The following HELB variants were observed in gnomAD, a reference collection of about 807,000 sequenced individuals.
HELB encodes the protein DNA 5'-3' helicase B.
HELB carries 96 observed loss-of-function variants against 101.7 expected under a neutral mutation model. The ratio of observed to expected loss-of-function variants is 0.94; its 90% CI spans 0.80 to 1.12. The LOEUF (loss-of-function observed/expected upper bound fraction) is 1.12. Among genes scored for constraint, HELB ranks in the 50% most tolerant of loss-of-function variants. The probability of loss-of-function intolerance (pLI) is 0.00; values close to 1 mark genes in which losing one functional copy is unlikely to be tolerated. For synonymous variants in HELB, 437 were observed against 459.7 expected, an observed-to-expected ratio of 0.95 and a Z score of 0.63; for missense variants, 1,210 against 1,291.9, an observed-to-expected ratio of 0.94 and a Z score of 0.97.
chr12:66,309,616 G>A (rs2053515977), intron 3 of HELB, 90 bp from the exon 4 acceptor site: 1 of 840,396 alleles, frequency 1.2e-6, no homozygotes, highest in African/African-American at 1.7e-5. Flanking sequence ...TGAAGTTCAT[G>A]TCTTCTGGGA....
rs2053477343 is a variant in HELB, at chr12:66,306,451, A to C, written c.714A>C (p.Lys238Asn). 1 of 1,608,798 alleles carries C rather than the reference A, an allele frequency of 6.2e-7. No individual in the cohort carries two copies. Among genetic ancestry groups the C allele is most frequent in the Non-Finnish European group, 8.5e-7 (1 of 1,177,644 alleles). ...AATGGATCATAGGGTCAGGTTCTAA[A>C]GAGATGTTGAAAGAGATAGAAGAGA... ...HFKWIIGSGS[K>N]EMLKEIEEIL... is the part of the protein sequence containing the mutation. The change falls in exon 3 of 13, where the codon AAA (lysine) becomes AAC (asparagine). Residue 238 changes from lysine (K) to asparagine (N), a missense_variant. Around this residue, in one of 2 missense-constraint regions of HELB, gnomAD observed 470 missense variants for 563.1 expected, o/e 0.83. Transcript: ENST00000247815.
Position 66,308,959 on chromosome 12 carries a change from C to T in HELB, c.778-747C>T, listed in dbSNP as rs1041117802. 5.9e-5 allele frequency among the ~76,000 whole-genome samples: 9 copies of T among 152,150 alleles called. No homozygotes were observed. The South Asian group carries it at 1.0e-3, about 18-fold the overall frequency. The stretch of plus-strand genomic sequence containing the variant: ...AAGAAAAAATGGAGCCGATAGATGA[C>T]GTGCTCAGTAGATTATAGTGAAGGG... On this transcript the variant is annotated intron_variant, in intron 3 of 12. Transcript: ENST00000247815.
Position 66,310,597 on chromosome 12 carries a change from A to T in HELB, c.1669A>T (p.Thr557Ser), listed in dbSNP as rs747088876. 5 of 1,609,854 alleles carry T rather than the reference A, an allele frequency of 3.1e-6. No homozygotes were observed. Among genetic ancestry groups the T allele is most frequent in the Non-Finnish European group, 4.2e-6 (5 of 1,178,660 alleles). ...LRQKTGLHAYTLCQVNYSFYS... is the reference protein window; with the variant it reads ...LRQKTGLHAYSLCQVNYSFYS... ...ACAGAAAACTGGTCTTCATGCCTAC[A>T]CACTGTGTCAGGTAAAACCTTTGAC... The change falls in exon 4 of 13, where the codon ACA becomes TCA. Residue 557 changes from threonine (T) to serine (S), a missense_variant. Coordinates refer to ENST00000247815, the MANE Select transcript of HELB (RefSeq NM_001370285.1).
In HELB at chr12:66,324,229, A is replaced by C. The variant is rs150502729; in HGVS notation, c.2526+18A>C. On this transcript the variant is annotated intron_variant, in intron 10 of 12. Coordinates refer to ENST00000247815, the MANE Select transcript of HELB (RefSeq NM_001370285.1). The stretch of plus-strand genomic sequence containing the variant: ...TAACAAATGTAAGTGAAAACAGAAG[A>C]TAATATCTTTTAACTAATTAGAGAT... 286 of 1,501,730 alleles carry C rather than the reference A, an allele frequency of 1.9e-4. 1 individual carries two copies. In the African/African-American group the frequency reaches 3.5e-3, roughly 18 times the overall value. The allele number at this position is 1,501,730 out of a possible 1,614,324, so 93.0% of individuals were successfully genotyped here.
intron 4 of HELB, among the ~76,000 whole-genome samples, chr12:66,310,864 G>C (rs537213940): frequency 1.6e-4 from 24 of 152,180 alleles, no homozygotes; most frequent in Admixed American, 5.2e-4. Context: ...CCAGGAAGCA[G>C]AGGTTGCAGT....
rs1321355156 is a variant in HELB at position 66,304,651 on chromosome 12, GTTTGATGAAAC to G, written c.188-74_188-64del. ...GTAGGGAGATTAAAGATAGTGGTAAGTTTGATGAAACTTTGAGGAAACGGTTTCTAAATAAT... is the reference window on the plus strand; with the variant it reads ...GTAGGGAGATTAAAGATAGTGGTAAGTTTGAGGAAACGGTTTCTAAATAAT... On this transcript the variant is annotated intron_variant, in intron 1 of 12. Coordinates refer to ENST00000247815, the MANE Select transcript of HELB (RefSeq NM_001370285.1). 9.7e-6 allele frequency: 13 copies of G among 1,339,800 alleles called. No homozygotes were observed. In the Admixed American group the frequency reaches 3.0e-4, roughly 31 times the overall value. 83.0% of individuals were successfully genotyped at this position (1,339,800 alleles called of 1,614,324 possible). A position where few individuals can be genotyped will look rare whatever the true frequency, so the allele number is the denominator to read the frequency against.
chr12:66,331,044 C>A, intron 11 of HELB, 110 bp from the exon 12 acceptor site: 1 of 1,209,806 alleles, frequency 8.3e-7, no homozygotes, highest in Non-Finnish European at 1.2e-6. Context: ...ATAGTCTGGC[C>A]AGGTAGAAGT....
chr12:66,343,167 T>G (rs1321659029), downstream of HELB: 1 of 152,268 alleles, frequency 6.6e-6, no homozygotes, highest in Non-Finnish European at 1.5e-5. Context: ...CTTGTCAGTT[T>G]CTGCAAAGAA....
chr12:66,308,960 G>A (rs1411669853), intron 3 of HELB, among the ~76,000 whole-genome samples: 4 of 152,148 alleles, frequency 2.6e-5, no homozygotes, highest in Admixed American at 1.3e-4. Flanking sequence ...GATAGATGAC[G>A]TGCTCAGTAG....
At chr12:66,326,832 G>A (rs2053744388) in intron 11 of HELB, among the ~76,000 whole-genome samples, 2 of 149,356 alleles carry the variant, frequency 1.3e-5, no homozygotes, top group Admixed American at 1.3e-4. Context: ...AGGAGTTCAA[G>A]ACCAACCCTG....
Position 66,305,072 on chromosome 12 carries a change from G to T in HELB, c.529G>T (p.Asp177Tyr). The T allele has an allele frequency of 2.5e-6, 4 of 1,611,336 alleles. No individual in the cohort carries two copies. Among genetic ancestry groups the T allele is most frequent in the Non-Finnish European group, 3.4e-6 (4 of 1,179,114 alleles). The change falls in exon 2 of 13, where the codon GAT becomes TAT. Residue 177 changes from aspartate to tyrosine, a missense_variant. Asp to Tyr is a radical substitution (Grantham distance 160, BLOSUM62 -3). Coordinates refer to ENST00000247815, the MANE Select transcript of HELB (RefSeq NM_001370285.1). Reference protein sequence around the residue: ...RTFHKETGRKDQKQPTQNGQE... With the variant: ...RTFHKETGRKYQKQPTQNGQE... Reference sequence around the variant, plus strand: ...TTTCCACAAGGAAACTGGAAGGAAAGATCAAAAGCAGCCTACACAGAATGG... The same window carrying T: ...TTTCCACAAGGAAACTGGAAGGAAATATCAAAAGCAGCCTACACAGAATGG...
Position 66,302,594 on chromosome 12 carries a change from C to A in HELB, c.-10C>A. ...TTTCCCGAGTTGTTTGGGTTGAGTTCAGGAGAAGCATGGCCAGGTCGAGTC... is the reference window on the plus strand; with the variant it reads ...TTTCCCGAGTTGTTTGGGTTGAGTTAAGGAGAAGCATGGCCAGGTCGAGTC... On this transcript the variant is annotated 5_prime_UTR_variant, in exon 1 of 13. Transcript: ENST00000247815. 1 of 1,610,642 alleles carries A rather than the reference C, an allele frequency of 6.2e-7. No homozygotes were observed. The highest frequency in any genetic ancestry group is 8.5e-7 in the Non-Finnish European group (1 of 1,177,252).
chr12:66,320,354 C>T (rs2053656398), intron 7 of HELB, among the ~76,000 whole-genome samples: 1 of 152,132 alleles, frequency 6.6e-6, no homozygotes, highest in Non-Finnish European at 1.5e-5. Context: ...TATCCATATA[C>T]AATCATATTT....
chr12:66,328,102 A>T (rs2053763249), intron 11 of HELB, among the ~76,000 whole-genome samples: 1 of 152,202 alleles, frequency 6.6e-6, no homozygotes, highest in African/African-American at 2.4e-5. Flanking sequence ...GAAATGAGAC[A>T]GGAAAATTAA....
In HELB at chr12:66,331,319, C is replaced by A. The variant is rs774433175; in HGVS notation, c.2836C>A (p.Arg946Ser). Reference sequence around the variant, plus strand: ...GAAAAACAGTTTTCCTAGAAAAACTCGTTTGAAACATTTCTTGCAAAGTAA... The same window carrying A: ...GAAAAACAGTTTTCCTAGAAAAACTAGTTTGAAACATTTCTTGCAAAGTAA... ...IMKNSFPRKT[R>S]LKHFLQSKLS... Residue 946 changes from arginine to serine, a missense_variant, in exon 12 of 13, where the codon CGT becomes AGT. Transcript: ENST00000247815. The A allele has an allele frequency of 5.0e-6, 8 of 1,614,054 alleles. No individual in the cohort carries two copies. Among genetic ancestry groups the A allele is most frequent in the Non-Finnish European group, 5.1e-6 (6 of 1,180,028 alleles).
At chr12:66,304,448 C>A in intron 1 of HELB, among the ~76,000 whole-genome samples, 1 of 152,212 alleles carries the variant, frequency 6.6e-6, no homozygotes, top group Non-Finnish European at 1.5e-5. Context: ...AGAGAGGGGA[C>A]TGATTTTAGA....
At chr12:66,325,753 T>G (rs916911546) in intron 11 of HELB, among the ~76,000 whole-genome samples, 1 of 152,238 alleles carries the variant, frequency 6.6e-6, no homozygotes, top group African/African-American at 2.4e-5. Flanking sequence ...TTTTTTATTT[T>G]TTGCCTTATC....
chr12:66,336,862 CTG>C lies in HELB; in HGVS notation c.3163-1136_3163-1135del, dbSNP rs145694816. On this transcript the variant is annotated intron_variant, in intron 12 of 12. Transcript: ENST00000247815. ...GAACAGTAGAAGCATTTTAAGTACT[CTG>C]TGAATTGAAATTTATGATGGTGATA... is the stretch of plus-strand genomic sequence containing the variant. 9.3e-3 allele frequency among the ~76,000 whole-genome samples: 1,414 copies of C among 152,220 alleles called. 22 individuals are homozygous for C. The highest frequency in any genetic ancestry group is 0.033 in the African/African-American group (1,366 of 41,524).
chr12:66,313,480 A>G (rs1449276487), intron 4 of HELB, among the ~76,000 whole-genome samples: 5 of 152,218 alleles, frequency 3.3e-5, no homozygotes, highest in South Asian at 2.1e-4. Context: ...ATATTAAAAA[A>G]TAATAAATAG....
Sources: allele counts gnomAD v4.1 joint callset (sites outside exome capture counted in the v4.1 genomes callset), GRCh38; gene constraint gnomAD v4.1.1; regional missense constraint gnomAD v4.1.1; transcripts MANE v1.5; gene names NCBI Gene and HGNC (gene_info 2026-07-23, HGNC 2026-07-21).